RHOA: variants seen among roughly 807,000 people sequenced by gnomAD.
RHOA encodes the protein transforming protein RhoA.
A neutral mutation model predicts 17.5 loss-of-function variants in RHOA; 3 were observed. The ratio of observed to expected loss-of-function variants is 0.17; its 90% CI spans 0.08 to 0.44. The LOEUF (loss-of-function observed/expected upper bound fraction) is 0.44, where lower values mean the gene tolerates loss of function less well. Among genes scored for constraint, RHOA ranks in the 20% least tolerant of loss-of-function variants. RHOA has a pLI of 0.99. For synonymous variants in RHOA, 98 were observed against 88.4 expected, an observed-to-expected ratio of 1.11 and a Z score of -0.61; for missense variants, 56 against 242.3, an observed-to-expected ratio of 0.23 and a Z score of 5.10.
chr3:49,367,995 C>T (rs569259816), intron 3 of RHOA, among the ~76,000 whole-genome samples: 1 of 151,804 alleles, frequency 6.6e-6, no homozygotes, highest in South Asian at 2.1e-4. Context: ...CTGCAATCTC[C>T]ACCTACCAGG....
At chr3:49,382,725 G>C (rs1334173530) in intron 1 of RHOA, among the ~76,000 whole-genome samples, 1 of 152,142 alleles carries the variant, frequency 6.6e-6, no homozygotes, top group African/African-American at 2.4e-5. Context: ...GGACCCTATG[G>C]GATGCAAAGA....
intron 3 of RHOA, among the ~76,000 whole-genome samples, chr3:49,368,081 T>G (rs1318392463): frequency 1.3e-5 from 2 of 151,896 alleles, no homozygotes; most frequent in Non-Finnish European, 2.9e-5. Flanking sequence ...GGCTAATTTT[T>G]TTGTACTTTT....
intron 1 of RHOA, among the ~76,000 whole-genome samples, chr3:49,393,741 G>A (rs1220740403): frequency 4.6e-5 from 6 of 130,350 alleles, no homozygotes; most frequent in African/African-American, 1.2e-4. Context: ...ACAGAATCTC[G>A]CTCTGTCGCC....
intron 1 of RHOA, among the ~76,000 whole-genome samples, chr3:49,396,086 G>C (rs888844082): frequency 1.3e-5 from 2 of 152,076 alleles, no homozygotes; most frequent in Non-Finnish European, 2.9e-5. Context: ...TGATGATAAT[G>C]AACACCAAGA....
chr3:49,409,874 CTA>C (rs1325113160), intron 1 of RHOA, among the ~76,000 whole-genome samples: 1 of 152,268 alleles, frequency 6.6e-6, no homozygotes, highest in East Asian at 1.9e-4. Flanking sequence ...CCACAGTTAA[CTA>C]AAAATATCTT....
At chr3:49,406,104 C>G (rs1304865150) in intron 1 of RHOA, among the ~76,000 whole-genome samples, 1 of 152,132 alleles carries the variant, frequency 6.6e-6, no homozygotes, top group East Asian at 1.9e-4. Flanking sequence ...CACAAAAAAA[C>G]AGGTATTTCC....
At chr3:49,376,511 C>T (rs1258427668) in intron 1 of RHOA, among the ~76,000 whole-genome samples, 2 of 151,436 alleles carry the variant, frequency 1.3e-5, no homozygotes, top group East Asian at 4.0e-4. Flanking sequence ...GGCATGGTGG[C>T]AGGCACCTGT....
In RHOA at chr3:49,365,796, G is replaced by T. The variant is rs867994984; in HGVS notation, c.277+2632C>A. ...AGTAGCGACAGGATTTCACCATGTT[G>T]GCCAGGCTGGTCTCGAACTCCTGAC... On this transcript the variant is annotated intron_variant, in intron 3 of 4. Transcript: ENST00000418115. Among the ~76,000 whole-genome samples the T allele has an allele frequency of 3.3e-5, 5 of 151,860 alleles. No individual in the cohort carries two copies. The South Asian group carries it at 1.0e-3, about 32-fold the overall frequency.
chr3:49,365,194 G>A (rs2048035828), intron 3 of RHOA: 1 of 150,960 alleles, frequency 6.6e-6, no homozygotes, highest in Non-Finnish European at 1.5e-5. Context: ...CCAGGCTGGA[G>A]CGCAGTGGCG....
intron 3 of RHOA, among the ~76,000 whole-genome samples, chr3:49,363,237 T>C (rs1331994265): frequency 6.6e-6 from 1 of 150,812 alleles, no homozygotes; most frequent in Non-Finnish European, 1.5e-5. Flanking sequence ...GCTAACACAG[T>C]GAAACCCCGT....
chr3:49,395,515 C>T (rs1200937624), intron 1 of RHOA, among the ~76,000 whole-genome samples: 1 of 151,998 alleles, frequency 6.6e-6, no homozygotes, highest in African/African-American at 2.4e-5. Flanking sequence ...GAGTTCAAGA[C>T]CAGCCTAGCC....
At chr3:49,393,674 CTCTGTGTGTGTGTGTGTG>C (rs1559512206) in intron 1 of RHOA, among the ~76,000 whole-genome samples, 2 of 4,354 alleles carry the variant, frequency 4.6e-4, no homozygotes. Flanking sequence ...CAAATTCTCT[CTCTGTGTGTGTGTGTGTG>C]TGTGTGTGTG....
chr3:49,398,701 G>A (rs1329934388), intron 1 of RHOA, among the ~76,000 whole-genome samples: 11 of 150,880 alleles, frequency 7.3e-5, no homozygotes, highest in African/African-American at 2.4e-4. Context: ...TTAGCTGGTC[G>A]TGGTGGCGGG....
At chr3:49,368,393 G>T in intron 3 of RHOA, 35 bp downstream of exon 3, 1 of 1,598,088 alleles carries the variant, frequency 6.3e-7, no homozygotes, top group Non-Finnish European at 8.6e-7. Flanking sequence ...TAGCTACACA[G>T]GCAGTGACAA....
chr3:49,407,626 G>A (rs997738927), intron 1 of RHOA, among the ~76,000 whole-genome samples: 1 of 149,094 alleles, frequency 6.7e-6, no homozygotes, highest in African/African-American at 2.5e-5. Flanking sequence ...AGTGATTCTA[G>A]TTTTTTTTTT....
At chr3:49,363,542 C>G (rs1236864008) in intron 3 of RHOA, among the ~76,000 whole-genome samples, 1 of 151,784 alleles carries the variant, frequency 6.6e-6, no homozygotes, top group Non-Finnish European at 1.5e-5. Context: ...TCAAGAACAG[C>G]CTATGCAACA....
intron 1 of RHOA, among the ~76,000 whole-genome samples, chr3:49,380,063 T>C (rs910563197): frequency 3.9e-5 from 6 of 152,172 alleles, no homozygotes; most frequent in Non-Finnish European, 7.3e-5. Context: ...CTTGGAGACA[T>C]GGCCATGTAC....
At chr3:49,382,533 G>A (rs1220518538) in intron 1 of RHOA, among the ~76,000 whole-genome samples, 1 of 152,030 alleles carries the variant, frequency 6.6e-6, no homozygotes, top group Non-Finnish European at 1.5e-5. Flanking sequence ...CTACTCAGGA[G>A]GCTAAGATGG....
At chr3:49,380,020 G>A (rs1482559521) in intron 1 of RHOA, among the ~76,000 whole-genome samples, 1 of 152,160 alleles carries the variant, frequency 6.6e-6, no homozygotes. Context: ...TTTTAGCTAT[G>A]TACTTTGTTG....
Sources: allele counts gnomAD v4.1 joint callset (sites outside exome capture counted in the v4.1 genomes callset), GRCh38; gene constraint gnomAD v4.1.1; transcripts MANE v1.5; gene names NCBI Gene and HGNC (gene_info 2026-07-23, HGNC 2026-07-21).